Variants in PSD4 observed in about 807,000 individuals in gnomAD.
The protein encoded by PSD4 is PH and SEC7 domain-containing protein 4.
Under a neutral mutation model 112.5 loss-of-function variants are expected in PSD4, and 59 were observed. That is an observed-to-expected ratio of 0.52 (90% CI 0.43 to 0.65). The LOEUF (loss-of-function observed/expected upper bound fraction) is 0.65, where lower values mean the gene tolerates loss of function less well. Among genes scored for constraint, PSD4 ranks in the 30% least tolerant of loss-of-function variants. The probability of loss-of-function intolerance (pLI) is 0.00; values close to 1 mark genes in which losing one functional copy is unlikely to be tolerated. For missense variants in PSD4, 1,267 were observed against 1,352.6 expected (o/e 0.94, Z 0.99); for synonymous variants, 533 against 540.0 (o/e 0.99, Z 0.18).
At chr2:113,198,644 G>C (rs1357984463) in intron 14 of PSD4, 96 bp from the exon 15 acceptor site, 3 of 1,403,136 alleles carry the variant, frequency 2.1e-6, no homozygotes, top group East Asian at 2.6e-5. Flanking sequence ...GTTCTGAGCA[G>C]CTGGCCAGCT....
intron 5 of PSD4, among the ~76,000 whole-genome samples, chr2:113,191,925 T>G (rs1688449752): frequency 6.6e-6 from 1 of 152,214 alleles, no homozygotes; most frequent in African/African-American, 2.4e-5. Context: ...CTTCCTGTTC[T>G]CAGCTCATCC....
intron 1 of PSD4, among the ~76,000 whole-genome samples, chr2:113,177,399 A>G (rs1330987272): frequency 6.6e-6 from 1 of 152,078 alleles, no homozygotes; most frequent in Non-Finnish European, 1.5e-5. Flanking sequence ...TCTTATTTTC[A>G]CAAATGTTCT....
chr2:113,195,997 T>C, intron 11 of PSD4, 150 bp from the exon 12 acceptor site: 1 of 1,106,476 alleles, frequency 9.0e-7, no homozygotes, highest in South Asian at 1.5e-5. Flanking sequence ...CAGGAATTGA[T>C]GGGTTCACTG....
chr2:113,177,292 C>T (rs571798785), intron 1 of PSD4, among the ~76,000 whole-genome samples: 84 of 152,334 alleles, frequency 5.5e-4, no homozygotes, highest in African/African-American at 1.9e-3. Context: ...CGGTCTTCCC[C>T]GTCTTCTGGC....
intron 2 of PSD4, among the ~76,000 whole-genome samples, chr2:113,183,875 T>G (rs1193769173): frequency 2.4e-4 from 37 of 152,144 alleles, no homozygotes; most frequent in Admixed American, 2.4e-3. Context: ...TCCAAGACAT[T>G]CCCAACTGTA....
chr2:113,175,041 C>T lies in PSD4; in HGVS notation c.-112+987C>T, dbSNP rs910017236. 8.5e-5 allele frequency among the ~76,000 whole-genome samples: 13 copies of T among 152,250 alleles called. No individual in the cohort carries two copies. The East Asian group carries it at 1.4e-3, about 16-fold the overall frequency. ...CCCCCTCCTCCTACAGACAAGGAAC[C>T]GCCTAGCATGGGGATCAGAACACAG... On this transcript the variant is annotated intron_variant, in intron 1 of 16. Coordinates refer to ENST00000245796, the MANE Select transcript of PSD4 (RefSeq NM_012455.3).
chr2:113,176,964 C>CA (rs1307769660), intron 1 of PSD4, among the ~76,000 whole-genome samples: 1 of 152,186 alleles, frequency 6.6e-6, no homozygotes, highest in East Asian at 1.9e-4. Flanking sequence ...CCTACCTTTC[C>CA]ATTCAGGCAA....
At position 113,204,473 on chromosome 2, in the gene PSD4, G is replaced by A. The variant is rs1352056408; in HGVS notation, c.*3058G>A. ...CCACCACAGGCCTATGTCTGACCTT[G>A]TTCCCACCCCATGCTCCTCTCCCAC... On this transcript the variant is annotated 3_prime_UTR_variant, in exon 17 of 17. Coordinates refer to ENST00000245796, the MANE Select transcript of PSD4 (RefSeq NM_012455.3). The A allele has an allele frequency of 1.3e-5, 2 of 152,350 alleles. No individual in the cohort carries two copies. Among genetic ancestry groups the A allele is most frequent in the South Asian group, 4.1e-4 (2 of 4,836 alleles). The allele number at this position is 152,350 out of a possible 1,614,324, so 9.4% of individuals were successfully genotyped here.
At chr2:113,184,242 T>A (rs988357076) in intron 2 of PSD4, among the ~76,000 whole-genome samples, 2 of 152,168 alleles carry the variant, frequency 1.3e-5, no homozygotes, top group Admixed American at 6.5e-5. Flanking sequence ...GCAGCTCTAT[T>A]ACCAGAGCAG....
At chr2:113,199,267 C>T in intron 16 of PSD4, 41 bp downstream of exon 16, 11 of 1,404,862 alleles carry the variant, frequency 7.8e-6, no homozygotes, top group Non-Finnish European at 9.2e-6. Flanking sequence ...GCGCAGCGCC[C>T]TCTCCGCCCT....
chr2:113,201,060 C>T, intron 16 of PSD4, 98 bp from the exon 17 acceptor site: 1 of 1,489,608 alleles, frequency 6.7e-7, no homozygotes, highest in Non-Finnish European at 9.0e-7. Flanking sequence ...TCTGTATCGC[C>T]ATAGCTTCAT....
rs538715672 is a variant in PSD4 at position 113,188,463 on chromosome 2, C to T, written c.1628+2208C>T. Among the ~76,000 whole-genome samples, 17 of 152,242 alleles carry T rather than the reference C, an allele frequency of 1.1e-4. No individual in the cohort carries two copies. The South Asian group carries it at 2.9e-3, about 26-fold the overall frequency. Reference sequence around the variant, plus strand: ...TTCACCATGTTGTCCAGGCTGGTCTCGAACTCTTGATCAGACTTGTCTTGA... The same window carrying T: ...TTCACCATGTTGTCCAGGCTGGTCTTGAACTCTTGATCAGACTTGTCTTGA... On this transcript the variant is annotated intron_variant, in intron 5 of 16. Coordinates refer to ENST00000245796, the MANE Select transcript of PSD4 (RefSeq NM_012455.3).
intron 9 of PSD4, 35 bp from the exon 10 acceptor site, chr2:113,193,824 T>C: frequency 6.3e-7 from 1 of 1,599,302 alleles, no homozygotes; most frequent in Non-Finnish European, 8.6e-7. Context: ...GGATGGGGTG[T>C]GTGCTCGAGT....
At chr2:113,200,585 G>C (rs1688747552) in intron 16 of PSD4, among the ~76,000 whole-genome samples, 1 of 152,200 alleles carries the variant, frequency 6.6e-6, no homozygotes, top group Non-Finnish European at 1.5e-5. Context: ...CAAGTCACCA[G>C]CCCTCCCTTC....
intron 14 of PSD4, 116 bp downstream of exon 14, chr2:113,198,029 C>T (rs1224879521): frequency 8.3e-7 from 1 of 1,206,972 alleles, no homozygotes; most frequent in Non-Finnish European, 1.1e-6. Flanking sequence ...TGGGAATGGC[C>T]GTATGATCAG....
rs1688896468 is a variant in PSD4, at chr2:113,208,486, C to T, written c.*7071C>T. On this transcript the variant is annotated 3_prime_UTR_variant, in exon 17 of 17. Coordinates refer to ENST00000245796, the MANE Select transcript of PSD4 (RefSeq NM_012455.3). ...GACTCCTCTGTTTCTGTGAGTGATTCTGCGATGGCTTGAGGTCATCCGTTT... is the reference window on the plus strand; with the variant it reads ...GACTCCTCTGTTTCTGTGAGTGATTTTGCGATGGCTTGAGGTCATCCGTTT... 1 of 152,266 alleles carries T rather than the reference C, an allele frequency of 6.6e-6. No individual in the cohort carries two copies. The highest frequency in any genetic ancestry group is 1.5e-5 in the Non-Finnish European group (1 of 68,064). 9.4% of individuals were successfully genotyped at this position (152,266 alleles called of 1,614,324 possible).
chr2:113,197,726 C>T (rs767770918), intron 13 of PSD4, 21 bp from the exon 14 acceptor site: 12 of 1,607,664 alleles, frequency 7.5e-6, no homozygotes, highest in Non-Finnish European at 1.0e-5. Flanking sequence ...AACCTCTTCT[C>T]TGAGCCCCTG....
At chr2:113,193,009 G>A in intron 6 of PSD4, 39 bp from the exon 7 acceptor site, 1 of 1,591,570 alleles carries the variant, frequency 6.3e-7, no homozygotes, top group Non-Finnish European at 8.6e-7. Context: ...CCCAGCCCAG[G>A]CCCCTGGTGC....
rs1176887558 is a variant in PSD4, at chr2:113,185,421, T to A, written c.1230T>A (p.Thr410=). ...GAGGTCCTTTTTGGCCCCAGGTGAC[T>A]CTTAACTCCCAGGACAGAGGTGAGC... ...QRGGPFWPQV[T]LNSQDRDERE... Residue 410 remains threonine (T), a synonymous_variant, in exon 4 of 17, where the codon ACT becomes ACA. Coordinates refer to ENST00000245796, the MANE Select transcript of PSD4 (RefSeq NM_012455.3). 1 of 1,614,166 alleles carries A rather than the reference T, an allele frequency of 6.2e-7. No individual in the cohort carries two copies. The highest frequency in any genetic ancestry group is 1.1e-5 in the South Asian group (1 of 91,082).
Sources: gnomAD v4.1 joint callset for allele counts (sites outside exome capture counted in the v4.1 genomes callset) on GRCh38, gnomAD v4.1.1 for gene constraint, MANE v1.5 for transcripts, NCBI Gene and HGNC (gene_info 2026-07-23, HGNC 2026-07-21) for gene names.